Variants in KALRN observed in about 807,000 individuals in gnomAD.
KALRN encodes the protein kalirin RhoGEF kinase.
In KALRN, 70 loss-of-function variants were observed where a neutral mutation model predicts 353.7. The observed-to-expected ratio is 0.20, with a 90% CI of 0.16 to 0.24. The LOEUF is 0.24. Ranked by LOEUF, KALRN falls within the 10% of genes least tolerant of loss-of-function variation. The probability of loss-of-function intolerance (pLI) is 1.00; values close to 1 mark genes in which losing one functional copy is unlikely to be tolerated. For synonymous variants in KALRN, 1,391 were observed against 1,434.8 expected, an observed-to-expected ratio of 0.97 and a Z score of 0.69; for missense variants, 2,791 against 3,756.7, an observed-to-expected ratio of 0.74 and a Z score of 6.72.
At chr3:124,034,088 C>T (rs2039162915) in intron 1 of KALRN, among the ~76,000 whole-genome samples, 1 of 151,938 alleles carries the variant, frequency 6.6e-6, no homozygotes, top group Non-Finnish European at 1.5e-5. Flanking sequence ...TCCCCTCGGA[C>T]CGCCTTCTCC....
chr3:124,310,269 C>G (rs2149296948), intron 6 of KALRN, among the ~76,000 whole-genome samples: 1 of 151,896 alleles, frequency 6.6e-6, no homozygotes, highest in East Asian at 1.9e-4. Flanking sequence ...ATTAAAGATA[C>G]AAATAAATGA....
intron 57 of KALRN, among the ~76,000 whole-genome samples, chr3:124,703,831 A>T (rs1439822292): frequency 6.6e-6 from 1 of 151,064 alleles, no homozygotes; most frequent in African/African-American, 2.4e-5. Flanking sequence ...CTTTTAAAAG[A>T]ATCTTTTGTT....
At chr3:124,420,688 GA>G (rs2092738707) in intron 14 of KALRN, among the ~76,000 whole-genome samples, 1 of 152,048 alleles carries the variant, frequency 6.6e-6, no homozygotes, top group South Asian at 2.1e-4. Context: ...AAATAAACAT[GA>G]AAAGATACTG....
At chr3:124,516,636 TAA>T (rs371660048) in intron 33 of KALRN, among the ~76,000 whole-genome samples, 13,670 of 118,646 alleles carry the variant, frequency 0.12, 807 homozygotes, top group Non-Finnish European at 0.16. Flanking sequence ...AGCACATCTA[TAA>T]AAAAAAAAAA....
intron 10 of KALRN, among the ~76,000 whole-genome samples, chr3:124,362,195 C>T (rs1374597695): frequency 6.6e-6 from 1 of 152,132 alleles, no homozygotes; most frequent in East Asian, 1.9e-4. Flanking sequence ...ATTAAGCAAA[C>T]CAAAAAATAA....
chr3:124,710,486 A>G (rs551190143), intron 57 of KALRN, among the ~76,000 whole-genome samples: 2 of 152,262 alleles, frequency 1.3e-5, no homozygotes, highest in East Asian at 3.9e-4. Context: ...TTAAATTGAT[A>G]TATTAAACTG....
chr3:124,276,031 C>T (rs2074688258), intron 5 of KALRN, among the ~76,000 whole-genome samples: 1 of 152,222 alleles, frequency 6.6e-6, no homozygotes, highest in South Asian at 2.1e-4. Flanking sequence ...TGTCCCCATG[C>T]ACCCTCTACA....
At position 124,347,146 on chromosome 3, in the gene KALRN, T is replaced by C; in HGVS notation, c.1651T>C (p.Leu551=). 1 of 1,614,102 alleles carries C rather than the reference T, an allele frequency of 6.2e-7. No homozygotes were observed. Among genetic ancestry groups the C allele is most frequent in the Non-Finnish European group, 8.5e-7 (1 of 1,179,990 alleles). Residue 551 remains leucine (L), a synonymous_variant, in exon 10 of 60, where the codon TTG becomes CTG. Coordinates refer to ENST00000682506, the MANE Select transcript of KALRN (RefSeq NM_001388419.1). ...GCTGTTATCCTTCTTTGACCAGGTG[T>C]TGGACTGGATTGAAAACCATGGTGA... The part of the protein sequence containing the change: ...CVFQQDVQQV[L]DWIENHGEAF...
intron 25 of KALRN, among the ~76,000 whole-genome samples, chr3:124,465,188 A>G (rs1436023780): frequency 6.6e-6 from 1 of 151,950 alleles, no homozygotes; most frequent in Admixed American, 6.6e-5. Flanking sequence ...CTTGTGTCCT[A>G]CAAATTTTGA....
In KALRN at chr3:124,347,371, C is replaced by CTGTGTGTGTGTGTGTG. The variant is rs10663884; in HGVS notation, c.1770+124_1770+139dup. ...TTGAAGAGGTGGCTCAGGTGAGAAG[C>CTGTGTGTGTGTGTGTG]TGTGTGTGTGTGTGTGTGTGTGTGT... On this transcript the variant is annotated intron_variant, in intron 10 of 59. Coordinates refer to ENST00000682506, the MANE Select transcript of KALRN (RefSeq NM_001388419.1). 3.0e-5 allele frequency: 17 copies of CTGTGTGTGTGTGTGTG among 564,086 alleles called. 1 individual carries two copies. Among genetic ancestry groups the CTGTGTGTGTGTGTGTG allele is most frequent in the South Asian group, 2.8e-4 (11 of 39,726 alleles). The allele number at this position is 564,086 out of a possible 1,614,324, so 34.9% of individuals were successfully genotyped here. A position where few individuals can be genotyped will look rare whatever the true frequency, so the allele number is the denominator to read the frequency against.
chr3:124,650,656 GTC>G, intron 37 of KALRN, 150 bp from the exon 38 acceptor site: 1 of 711,938 alleles, frequency 1.4e-6, no homozygotes, highest in Non-Finnish European at 2.3e-6. Context: ...GGAGGATAAA[GTC>G]TCTGGTCTGC....
chr3:124,651,276 G>A (rs1373090517), intron 38 of KALRN, among the ~76,000 whole-genome samples: 1 of 152,210 alleles, frequency 6.6e-6, no homozygotes, highest in East Asian at 1.9e-4. Flanking sequence ...GAATCAGAGA[G>A]TCTCTGACCG....
intron 1 of KALRN, among the ~76,000 whole-genome samples, chr3:124,071,530 C>T (rs1420519467): frequency 1.3e-5 from 2 of 152,122 alleles, no homozygotes; most frequent in Admixed American, 1.3e-4. Flanking sequence ...ATACCTGGTA[C>T]TTGGTAATTT....
chr3:124,206,528 G>A (rs1394051572), intron 1 of KALRN, among the ~76,000 whole-genome samples: 1 of 152,208 alleles, frequency 6.6e-6, no homozygotes, highest in East Asian at 1.9e-4. Flanking sequence ...TGGATTGGTG[G>A]AAATAGTCAC....
chr3:124,384,318 C>T (rs1055135410), intron 10 of KALRN, among the ~76,000 whole-genome samples: 1 of 152,186 alleles, frequency 6.6e-6, no homozygotes, highest in Non-Finnish European at 1.5e-5. Context: ...TGCCTTCTGT[C>T]AGCTCCCTAG....
chr3:124,650,990 C>G, intron 38 of KALRN, 52 bp downstream of exon 38: 1 of 1,602,758 alleles, frequency 6.2e-7, no homozygotes, highest in Non-Finnish European at 8.5e-7. Context: ...GTGCGGTGGA[C>G]AATGGACAAA....
intron 33 of KALRN, among the ~76,000 whole-genome samples, chr3:124,501,866 A>G (rs1400397787): frequency 6.6e-6 from 1 of 152,256 alleles, no homozygotes; most frequent in Admixed American, 6.5e-5. Context: ...AGGTCCTGCC[A>G]TCTTCCAGCT....
Position 124,148,646 on chromosome 3 carries a change from A to C in KALRN, c.74-79344A>C, listed in dbSNP as rs550000719. Among the ~76,000 whole-genome samples the C allele has an allele frequency of 2.6e-4, 40 of 152,316 alleles. 1 individual carries two copies. The South Asian group carries it at 8.3e-3, about 32-fold the overall frequency. On this transcript the variant is annotated intron_variant, in intron 1 of 59. Coordinates refer to ENST00000682506, the MANE Select transcript of KALRN (RefSeq NM_001388419.1). ...GTCATGTTAATCAATTATTGAAATT[A>C]AGGAGAAGATTATTGCAATTTCTAT...
intron 1 of KALRN, among the ~76,000 whole-genome samples, chr3:124,131,963 C>T (rs747780547): frequency 2.0e-5 from 3 of 152,158 alleles, no homozygotes; most frequent in Non-Finnish European, 4.4e-5. Flanking sequence ...TCCATGTCTT[C>T]CCCACATAGC....
Sources: allele counts gnomAD v4.1 joint callset (sites outside exome capture counted in the v4.1 genomes callset), GRCh38; gene constraint gnomAD v4.1.1; transcripts MANE v1.5; gene names NCBI Gene and HGNC (gene_info 2026-07-23, HGNC 2026-07-21).